Variants in NSF observed in about 807,000 individuals in gnomAD.
The protein encoded by NSF is vesicle-fusing ATPase.
NSF carries 14 observed loss-of-function variants against 50.3 expected under a neutral mutation model. That is an observed-to-expected ratio of 0.28 (90% confidence interval 0.18 to 0.44). NSF has a LOEUF of 0.44. Among genes scored for constraint, NSF ranks in the 20% least tolerant of loss-of-function variants. The pLI, the probability that NSF is intolerant of heterozygous loss-of-function variation, is 1.00. For missense variants in NSF, 218 were observed against 504.3 expected, an observed-to-expected ratio of 0.43 and a Z score of 5.44; for synonymous variants, 109 against 175.7, an observed-to-expected ratio of 0.62 and a Z score of 3.00.
At chr17:46,739,628 C>A (rs1024183197) in intron 17 of NSF, among the ~76,000 whole-genome samples, 35 of 151,936 alleles carry the variant, frequency 2.3e-4, no homozygotes, top group African/African-American at 8.2e-4. Context: ...TCCTGTGGGC[C>A]CCTTCCTCTA....
At chr17:46,704,003 C>T (rs1353856026) in intron 12 of NSF, among the ~76,000 whole-genome samples, 1 of 150,578 alleles carries the variant, frequency 6.6e-6, no homozygotes, top group Non-Finnish European at 1.5e-5. Context: ...CCTCAAGGTT[C>T]GTCATGTTGC....
At chr17:46,631,077 C>CACACACACACACACACACACA in intron 4 of NSF, among the ~76,000 whole-genome samples, 1 of 144,856 alleles carries the variant, frequency 6.9e-6, no homozygotes, top group Non-Finnish European at 1.5e-5. Context: ...CACACACACA[C>CACACACACACACACACACACA]ACACACACAC....
At chr17:46,729,082 C>T in intron 17 of NSF, 148 bp downstream of exon 17, 1 of 547,662 alleles carries the variant, frequency 1.8e-6, no homozygotes, top group South Asian at 2.9e-5. Context: ...GTCTTGACTT[C>T]TGTTTAAGGT....
At chr17:46,730,300 A>C (rs995861008) in intron 17 of NSF, among the ~76,000 whole-genome samples, 2 of 152,154 alleles carry the variant, frequency 1.3e-5, no homozygotes, top group African/African-American at 4.8e-5. Context: ...TTTATCTCTT[A>C]AAATAGTTCT....
At chr17:46,685,326 T>C (rs2058487068) in intron 9 of NSF, among the ~76,000 whole-genome samples, 1 of 149,632 alleles carries the variant, frequency 6.7e-6, no homozygotes, top group South Asian at 2.1e-4. Flanking sequence ...CGATATTAAT[T>C]ATAGCCAGCC....
chr17:46,749,186 G>A (rs2059159030), intron 17 of NSF, among the ~76,000 whole-genome samples: 2 of 152,170 alleles, frequency 1.3e-5, no homozygotes, highest in Admixed American at 6.5e-5. Context: ...TGAAGAAAGG[G>A]AACTGAGAAT....
At chr17:46,707,264 A>AT (rs1172511264) in intron 13 of NSF, among the ~76,000 whole-genome samples, 3 of 152,198 alleles carry the variant, frequency 2.0e-5, no homozygotes, top group African/African-American at 7.2e-5. Flanking sequence ...AATTGACCAT[A>AT]TGCATGTATT....
intron 4 of NSF, among the ~76,000 whole-genome samples, chr17:46,631,080 A>ACACACACACACACACACGCACG (rs1356066449): frequency 6.9e-6 from 1 of 144,020 alleles, no homozygotes; most frequent in African/African-American, 2.9e-5. Flanking sequence ...ACACACACAC[A>ACACACACACACACACACGCACG]CACACACACA....
chr17:46,703,817 C>G (rs1005543246), intron 12 of NSF, among the ~76,000 whole-genome samples: 6 of 146,138 alleles, frequency 4.1e-5, no homozygotes, highest in Non-Finnish European at 9.0e-5. Context: ...ATCTCCAGAC[C>G]TCTTTTCATC....
chr17:46,734,083 C>A (rs2058976637), intron 17 of NSF, among the ~76,000 whole-genome samples: 1 of 152,174 alleles, frequency 6.6e-6, no homozygotes, highest in Admixed American at 6.5e-5. Flanking sequence ...GTAGTCCTTA[C>A]ATGACATCTT....
Position 46,719,218 on chromosome 17 carries a change from A to T in NSF, c.1761+5232A>T, listed in dbSNP as rs1460964567. Among the ~76,000 whole-genome samples the T allele has an allele frequency of 6.6e-6, 1 of 152,224 alleles. No homozygotes were observed. Among genetic ancestry groups the T allele is most frequent in the Non-Finnish European group, 1.5e-5 (1 of 68,028 alleles). On this transcript the variant is annotated intron_variant, in intron 15 of 20. Coordinates refer to ENST00000398238, the MANE Select transcript of NSF (RefSeq NM_006178.4). The surrounding 1 kb of genome is among the most constrained non-coding windows in gnomAD (Gnocchi z 4.3). ...TGTTTTGCAATGACAATAGTCTGTG[A>T]AACTGAAAAATATGTAACACATTAA...
chr17:46,751,133 T>G (rs1041968243), intron 18 of NSF, among the ~76,000 whole-genome samples: 1 of 152,234 alleles, frequency 6.6e-6, no homozygotes, highest in African/African-American at 2.4e-5. Context: ...TGTAGACAGC[T>G]TTTGTGCAGA....
chr17:46,739,539 C>T (rs1002632800), intron 17 of NSF, among the ~76,000 whole-genome samples: 7 of 151,578 alleles, frequency 4.6e-5, no homozygotes, highest in Non-Finnish European at 8.8e-5. Flanking sequence ...GACCTTGTCT[C>T]GAAAAAAACA....
chr17:46,749,933 A>G (rs757449524), intron 18 of NSF, 26 bp downstream of exon 18: 1 of 1,610,418 alleles, frequency 6.2e-7, no homozygotes, highest in Non-Finnish European at 8.5e-7. Context: ...TGGATTGCAC[A>G]CTGTTTATAA....
At chr17:46,679,768 C>T (rs1237553833) in intron 9 of NSF, among the ~76,000 whole-genome samples, 1 of 151,218 alleles carries the variant, frequency 6.6e-6, no homozygotes, top group Non-Finnish European at 1.5e-5. Flanking sequence ...ACATTGTGCC[C>T]AAACTTTTCC....
chr17:46,667,553 T>G (rs199477), intron 8 of NSF, among the ~76,000 whole-genome samples: 2 of 141,118 alleles, frequency 1.4e-5, no homozygotes, highest in African/African-American at 2.6e-5. Context: ...AGAAAACAAA[T>G]GTTCTTTTGC....
intron 15 of NSF, among the ~76,000 whole-genome samples, chr17:46,724,373 A>G (rs1297650510): frequency 6.6e-6 from 1 of 152,214 alleles, no homozygotes; most frequent in East Asian, 1.9e-4. Context: ...AGTTCTGTTC[A>G]TTATATTTTC....
chr17:46,751,126 A>G (rs185381422), intron 18 of NSF, among the ~76,000 whole-genome samples: 27 of 152,348 alleles, frequency 1.8e-4, no homozygotes, highest in African/African-American at 6.3e-4. Context: ...TTACCCATGT[A>G]GACAGCTTTT....
chr17:46,755,353 T>A lies in NSF; in HGVS notation c.2197T>A (p.Leu733Ile). 6.2e-7 allele frequency: 1 copy of A among 1,613,688 alleles called. No homozygotes were observed. The highest frequency in any genetic ancestry group is 8.5e-7 in the Non-Finnish European group (1 of 1,179,516). Reference sequence around the variant, plus strand: ...CCGTGTGAGAAAATTCTTGGCCCTCTTAAGAGAAGAAGGAGCGTAAGTACA... The same window carrying A: ...CCGTGTGAGAAAATTCTTGGCCCTCATAAGAGAAGAAGGAGCGTAAGTACA... Reference protein sequence around the residue: ...EYRVRKFLALLREEGASPLDF... With the variant: ...EYRVRKFLALIREEGASPLDF... The change falls in exon 20 of 21, where the codon TTA becomes ATA. Residue 733 changes from leucine (L) to isoleucine (I), a missense_variant. By Grantham distance (5) the Leu-to-Ile change is conservative (BLOSUM62 2). This residue lies in a region of NSF where 209 missense variants were observed against 320.9 expected (regional missense o/e 0.65). Transcript: ENST00000398238.
Sources: allele counts gnomAD v4.1 joint callset (sites outside exome capture counted in the v4.1 genomes callset), GRCh38; gene constraint gnomAD v4.1.1; regional missense constraint gnomAD v4.1.1; non-coding constraint Gnocchi (gnomAD v3.1); transcripts MANE v1.5; gene names NCBI Gene and HGNC (gene_info 2026-07-23, HGNC 2026-07-21).